SLC9A7: variants seen among roughly 807,000 people sequenced by gnomAD.
SLC9A7 encodes solute carrier family 9 member A7.
In SLC9A7, 19 loss-of-function variants were observed where a neutral mutation model predicts 52.6. The ratio of observed to expected loss-of-function variants is 0.36; its 90% CI spans 0.25 to 0.53. The LOEUF (loss-of-function observed/expected upper bound fraction) is 0.53. Ranked by LOEUF, SLC9A7 falls within the 20% of genes least tolerant of loss-of-function variation. SLC9A7 has a pLI of 0.91. For synonymous variants in SLC9A7, 226 were observed against 252.1 expected (o/e 0.90, Z 0.98); for missense variants, 455 against 597.9 (o/e 0.76, Z 2.49).
chrX:46,715,391 T>G (rs774453197), intron 1 of SLC9A7, among the ~76,000 whole-genome samples: 18 of 111,771 alleles, frequency 1.6e-4, no homozygotes, highest in Admixed American at 1.0e-3. Flanking sequence ...GGTATATTTT[T>G]GGGTCCCTAT....
At chrX:46,674,251 CA>C (rs1196854536) in intron 3 of SLC9A7, among the ~76,000 whole-genome samples, 3 of 111,329 alleles carry the variant, frequency 2.7e-5, no homozygotes, top group Non-Finnish European at 3.8e-5. Flanking sequence ...TTAGCCAAAG[CA>C]AAAAAATTAG....
chrX:46,647,702 A>C (rs1317729069), intron 11 of SLC9A7, among the ~76,000 whole-genome samples: 4 of 112,680 alleles, frequency 3.5e-5, no homozygotes, highest in Non-Finnish European at 7.5e-5. Context: ...ATGCTCAATA[A>C]ATGTTTGTCA....
intron 15 of SLC9A7, among the ~76,000 whole-genome samples, chrX:46,615,075 G>A (rs948122920): frequency 1.8e-5 from 2 of 111,958 alleles, no homozygotes; most frequent in Admixed American, 9.4e-5. Flanking sequence ...ACGGAGTCTC[G>A]CTCTGTTGCC....
chrX:46,712,928 C>G (rs1944712280), intron 1 of SLC9A7, among the ~76,000 whole-genome samples: 1 of 111,944 alleles, frequency 8.9e-6, no homozygotes, highest in African/African-American at 3.2e-5. Context: ...AACGACAGTA[C>G]TGAACTATAG....
At chrX:46,737,660 T>A (rs938499303) in intron 1 of SLC9A7, among the ~76,000 whole-genome samples, 1 of 111,922 alleles carries the variant, frequency 8.9e-6, no homozygotes, top group African/African-American at 3.2e-5. Context: ...TTTGAAATAC[T>A]GAAAGATTGC....
intron 16 of SLC9A7, among the ~76,000 whole-genome samples, chrX:46,611,871 C>T (rs1441407222): frequency 3.6e-5 from 4 of 111,915 alleles, no homozygotes; most frequent in South Asian, 7.4e-4. Context: ...TCCGCCCCAG[C>T]GCCCCCACCT....
intron 15 of SLC9A7, among the ~76,000 whole-genome samples, chrX:46,615,184 A>G (rs1470875381): frequency 1.8e-5 from 2 of 112,150 alleles, no homozygotes; most frequent in African/African-American, 6.5e-5. Context: ...CTGGGACTAC[A>G]GACGCGTGCC....
chrX:46,614,457 A>G (rs745549341), intron 15 of SLC9A7, among the ~76,000 whole-genome samples: 3 of 111,842 alleles, frequency 2.7e-5, no homozygotes, highest in Non-Finnish European at 5.6e-5. Context: ...ATTTCACACT[A>G]TATCGTAAAG....
At chrX:46,692,451 T>C (rs1944393353) in intron 1 of SLC9A7, among the ~76,000 whole-genome samples, 1 of 111,425 alleles carries the variant, frequency 9.0e-6, no homozygotes, top group Non-Finnish European at 1.9e-5. Flanking sequence ...ACCTAAGGCA[T>C]GTCTACAGTT....
chrX:46,722,919 G>A (rs1334040551), intron 1 of SLC9A7, among the ~76,000 whole-genome samples: 1 of 111,854 alleles, frequency 8.9e-6, no homozygotes, highest in Non-Finnish European at 1.9e-5. Flanking sequence ...ACTTCATTTG[G>A]TGCAAAATAT....
At chrX:46,667,413 A>G (rs1943939440) in intron 5 of SLC9A7, among the ~76,000 whole-genome samples, 1 of 111,394 alleles carries the variant, frequency 9.0e-6, no homozygotes, top group Non-Finnish European at 1.9e-5. Flanking sequence ...GAGATTCTTC[A>G]GAACCACACA....
chrX:46,683,499 G>A (rs1944246000), intron 1 of SLC9A7, among the ~76,000 whole-genome samples: 1 of 111,508 alleles, frequency 9.0e-6, no homozygotes. Flanking sequence ...GCTTCTTGGG[G>A]CTGTAGCTAT....
chrX:46,659,161 C>T (rs1202200929), intron 7 of SLC9A7, among the ~76,000 whole-genome samples: 2 of 111,904 alleles, frequency 1.8e-5, no homozygotes. Context: ...AGGCCTTTGA[C>T]AAAACTCAAC....
intron 1 of SLC9A7, among the ~76,000 whole-genome samples, chrX:46,720,376 T>A (rs769292923): frequency 3.0e-4 from 33 of 110,530 alleles, no homozygotes; most frequent in Non-Finnish European, 2.5e-4. Context: ...TCACCCCCTC[T>A]TCTCCTTATT....
In SLC9A7 at chrX:46,606,929, C is replaced by G; in HGVS notation, c.*23G>C. ...TCACCCCATCGGGAGCCTACCCCATCGCGCCAGGGCTTGGGGGGAAAGTCA... is the reference window on the plus strand; with the variant it reads ...TCACCCCATCGGGAGCCTACCCCATGGCGCCAGGGCTTGGGGGGAAAGTCA... On this transcript the variant is annotated 3_prime_UTR_variant, in exon 17 of 17. Coordinates refer to ENST00000616978, the MANE Select transcript of SLC9A7 (RefSeq NM_001257291.2). 3 of 1,210,371 alleles carry G rather than the reference C, an allele frequency of 2.5e-6. No homozygotes were observed. The highest frequency in any genetic ancestry group is 3.4e-6 in the Non-Finnish European group (3 of 894,601).
At chrX:46,748,711 T>C (rs1922016998) in intron 1 of SLC9A7, among the ~76,000 whole-genome samples, 2 of 109,901 alleles carry the variant, frequency 1.8e-5, no homozygotes, top group Admixed American at 1.9e-4. Context: ...ACAAATATTA[T>C]ATGAATTCAC....
intron 1 of SLC9A7, among the ~76,000 whole-genome samples, chrX:46,721,828 AAG>A (rs1266630016): frequency 3.6e-5 from 4 of 112,223 alleles, no homozygotes; most frequent in Non-Finnish European, 7.5e-5. Flanking sequence ...TGAGTAAACA[AAG>A]AGAAAAGATG....
chrX:46,639,282 CTTT>C (rs767343953), intron 12 of SLC9A7, among the ~76,000 whole-genome samples: 4 of 96,366 alleles, frequency 4.2e-5, no homozygotes, highest in Non-Finnish European at 4.2e-5. Flanking sequence ...ATGCTTTCCT[CTTT>C]TTTTTTTTTT....
intron 11 of SLC9A7, among the ~76,000 whole-genome samples, chrX:46,644,151 A>G (rs370932925): frequency 5.7e-4 from 64 of 112,403 alleles, no homozygotes; most frequent in African/African-American, 1.9e-3. Flanking sequence ...TCATCTGTAT[A>G]AGACATTCTT....
Sources: allele counts gnomAD v4.1 joint callset (sites outside exome capture counted in the v4.1 genomes callset), GRCh38; gene constraint gnomAD v4.1.1; transcripts MANE v1.5; gene names NCBI Gene and HGNC (gene_info 2026-07-23, HGNC 2026-07-21).